Variants in PCDHGA6 observed in about 807,000 individuals in gnomAD.
PCDHGA6 encodes protocadherin gamma subfamily A, 6, also known as protocadherin gamma-A6.
PCDHGA6 carries 41 observed loss-of-function variants against 60.6 expected under a neutral mutation model. The observed-to-expected ratio is 0.68, with a 90% CI of 0.53 to 0.88. The LOEUF (loss-of-function observed/expected upper bound fraction) is 0.88, where lower values mean the gene tolerates loss of function less well. Ranked by LOEUF, PCDHGA6 falls within the 40% of genes least tolerant of loss-of-function variation. The pLI, the probability that PCDHGA6 is intolerant of heterozygous loss-of-function variation, is 0.00. For missense variants in PCDHGA6, 1,312 were observed against 1,203.0 expected, an observed-to-expected ratio of 1.09 and a Z score of -1.34; for synonymous variants, 594 against 524.4, an observed-to-expected ratio of 1.13 and a Z score of -1.81.
Position 141,463,438 on chromosome 5 carries a change from CTTTTTTTTT to C in PCDHGA6, c.2425-31349_2425-31341del, listed in dbSNP as rs71576115. 5.5e-3 allele frequency among the ~76,000 whole-genome samples: 572 copies of C among 103,208 alleles called. 4 individuals carry two copies. The highest frequency in any genetic ancestry group is 8.7e-3 in the Non-Finnish European group (462 of 53,292). The allele number at this position is 103,208 out of a possible 152,430, so 67.7% of individuals were successfully genotyped here. On this transcript the variant is annotated intron_variant, in intron 1 of 3. Transcript: ENST00000517434. ...GTTTGCGGATCCTCATTTCCTTCTC[CTTTTTTTTT>C]TTTTTTTTTTTTTTTTTTTGAGATG...
At position 141,512,903 on chromosome 5, in the gene PCDHGA6, CAA is replaced by C. The variant is rs2099884494; in HGVS notation, c.*1731_*1732del. The C allele has an allele frequency of 6.6e-6, 1 of 152,224 alleles. No individual in the cohort carries two copies. Among genetic ancestry groups the C allele is most frequent in the African/African-American group, 2.4e-5 (1 of 41,452 alleles). 9.4% of individuals were successfully genotyped at this position (152,224 alleles called of 1,614,324 possible). On this transcript the variant is annotated 3_prime_UTR_variant, in exon 4 of 4. Transcript: ENST00000517434. ...CCCCACCCTCTTCCTGTGTCTCACG[CAA>C]GTTTTATACTCTAATATTTATATGG...
rs2099681350 is a variant in PCDHGA6, at chr5:141,489,024, C to T, written c.2425-5783C>T. 1 of 450,378 alleles carries T rather than the reference C, an allele frequency of 2.2e-6. No individual in the cohort carries two copies. The highest frequency in any genetic ancestry group is 3.9e-6 in the Non-Finnish European group (1 of 256,582). 27.9% of individuals were successfully genotyped at this position (450,378 alleles called of 1,614,324 possible). On this transcript the variant is annotated intron_variant, in intron 1 of 3. Coordinates refer to ENST00000517434, the MANE Select transcript of PCDHGA6 (RefSeq NM_018919.3). The surrounding 1 kb of genome is among the most constrained non-coding windows in gnomAD (Gnocchi z 4.5). ...CTGCTCTTCCAGCCCGCCTCTCCTC[C>T]TCCAGCTCCCCAGCTCCACTCAAAT... is the stretch of plus-strand genomic sequence containing the variant.
At chr5:141,419,757 G>A (rs1468216226) in intron 1 of PCDHGA6, 5 of 1,613,876 alleles carry the variant, frequency 3.1e-6, no homozygotes, top group African/African-American at 1.3e-5. Flanking sequence ...CGTGCTTTGG[G>A]TGACAAGGAC....
rs35821115 is a variant in PCDHGA6, at chr5:141,460,961, ATGTG to A, written c.2425-33826_2425-33823del. 3.6e-3 allele frequency among the ~76,000 whole-genome samples: 519 copies of A among 144,600 alleles called. 3 individuals carry two copies. The highest frequency in any genetic ancestry group is 4.3e-3 in the African/African-American group (168 of 38,712). The allele number at this position is 144,600 out of a possible 152,430, so 94.9% of individuals were successfully genotyped here. A position where few individuals can be genotyped will look rare whatever the true frequency, so the allele number is the denominator to read the frequency against. ...ATATATATGTATTATGTATATATAT[ATGTG>A]TGTGTGTGTGTGTGTGTGTATATAT... On this transcript the variant is annotated intron_variant, in intron 1 of 3. Transcript: ENST00000517434.
In PCDHGA6 at chr5:141,375,347, G is replaced by C; in HGVS notation, c.1264G>C (p.Val422Leu). 2 of 1,613,852 alleles carry C rather than the reference G, an allele frequency of 1.2e-6. No individual in the cohort carries two copies. The highest frequency in any genetic ancestry group is 1.7e-6 in the Non-Finnish European group (2 of 1,179,918). ...REEVFLYNIT[V>L]TATDKGTPPL... ...AGAGGTATTCTTGTACAACATCACT[G>C]TGACAGCCACGGACAAAGGAACACC... The change falls in exon 1 of 4, where the codon GTG becomes CTG. Residue 422 changes from valine to leucine, a missense_variant. Coordinates refer to ENST00000517434, the MANE Select transcript of PCDHGA6 (RefSeq NM_018919.3).
In PCDHGA6 at chr5:141,485,308, A is replaced by G; in HGVS notation, c.2425-9499A>G. On this transcript the variant is annotated intron_variant, in intron 1 of 3. Coordinates refer to ENST00000517434, the MANE Select transcript of PCDHGA6 (RefSeq NM_018919.3). The surrounding 1 kb of genome is among the most constrained non-coding windows in gnomAD (Gnocchi z 5.7). ...AGGAGTCACAGGAAGGGACTTTTGTAGGGAATGTCGCTCAAGATTTCCTGC... is the reference window on the plus strand; with the variant it reads ...AGGAGTCACAGGAAGGGACTTTTGTGGGGAATGTCGCTCAAGATTTCCTGC... 6.2e-7 allele frequency: 1 copy of G among 1,614,112 alleles called. No individual in the cohort carries two copies. The highest frequency in any genetic ancestry group is 8.5e-7 in the Non-Finnish European group (1 of 1,179,996).
chr5:141,419,361 T>C, intron 1 of PCDHGA6: 1 of 1,613,794 alleles, frequency 6.2e-7, no homozygotes, highest in Non-Finnish European at 8.5e-7. Context: ...TCACGAACGC[T>C]GTCGTCCTAC....
chr5:141,447,942 T>C (rs1476141059), intron 1 of PCDHGA6, among the ~76,000 whole-genome samples: 2 of 151,740 alleles, frequency 1.3e-5, no homozygotes, highest in African/African-American at 4.8e-5. Context: ...AAAAATTAGC[T>C]GGGCATGGTG....
Position 141,489,065 on chromosome 5 carries a change from C to T in PCDHGA6, c.2425-5742C>T, listed in dbSNP as rs558074504. On this transcript the variant is annotated intron_variant, in intron 1 of 3. Coordinates refer to ENST00000517434, the MANE Select transcript of PCDHGA6 (RefSeq NM_018919.3). This position sits in a 1 kb window ranked among gnomAD's most constrained non-coding sequence, Gnocchi z 4.5. ...CCACTCAAATTCAGCTCCCCTCCCC[C>T]CTGCCCACCCCCGCCACTCGGTGAC... 3.3e-5 allele frequency: 13 copies of T among 388,932 alleles called. 1 individual carries two copies. Among genetic ancestry groups the T allele is most frequent in the African/African-American group, 8.5e-5 (4 of 47,158 alleles). 24.1% of individuals were successfully genotyped at this position (388,932 alleles called of 1,614,324 possible).
Position 141,511,617 on chromosome 5 carries a change from C to T in PCDHGA6, c.*444C>T, listed in dbSNP as rs1562253545. The T allele has an allele frequency of 4.3e-6, 1 of 233,232 alleles. No homozygotes were observed. Among genetic ancestry groups the T allele is most frequent in the African/African-American group, 2.2e-5 (1 of 45,220 alleles). The allele number at this position is 233,232 out of a possible 1,614,324, so 14.4% of individuals were successfully genotyped here. A position where few individuals can be genotyped will look rare whatever the true frequency, so the allele number is the denominator to read the frequency against. Reference sequence around the variant, plus strand: ...CAAGTAACCTACAAGCCTCCTAGTTCTGAAAAGTTGGAAGGGCATCATGAC... The same window carrying T: ...CAAGTAACCTACAAGCCTCCTAGTTTTGAAAAGTTGGAAGGGCATCATGAC... On this transcript the variant is annotated 3_prime_UTR_variant, in exon 4 of 4. Coordinates refer to ENST00000517434, the MANE Select transcript of PCDHGA6 (RefSeq NM_018919.3).
intron 1 of PCDHGA6, chr5:141,395,397 A>C: frequency 1.1e-6 from 1 of 895,314 alleles, no homozygotes; most frequent in Non-Finnish European, 1.6e-6. Flanking sequence ...TTGAACTCTA[A>C]TAGTCATAGG....
chr5:141,399,162 C>T (rs1174255078), intron 1 of PCDHGA6: 1 of 1,613,664 alleles, frequency 6.2e-7, no homozygotes, highest in South Asian at 1.1e-5. Context: ...AAGTTACATT[C>T]CATTCTCTAC....
chr5:141,504,848 C>G (rs181277525), intron 2 of PCDHGA6, among the ~76,000 whole-genome samples: 1 of 152,236 alleles, frequency 6.6e-6, no homozygotes, highest in Non-Finnish European at 1.5e-5. Context: ...CTGGAACATT[C>G]TCTTCCATTT....
rs1018384314 is a variant in PCDHGA6 at position 141,490,427 on chromosome 5, A to G, written c.2425-4380A>G. On this transcript the variant is annotated intron_variant, in intron 1 of 3. Coordinates refer to ENST00000517434, the MANE Select transcript of PCDHGA6 (RefSeq NM_018919.3). This position sits in a 1 kb window ranked among gnomAD's most constrained non-coding sequence, Gnocchi z 5.4. ...GATATCTCTCCGGACCTGCCATTTCAGATTAAGCCTTCTGAGAACCACTAC... is the reference window on the plus strand; with the variant it reads ...GATATCTCTCCGGACCTGCCATTTCGGATTAAGCCTTCTGAGAACCACTAC... 6.2e-7 allele frequency: 1 copy of G among 1,614,092 alleles called. No individual in the cohort carries two copies.
chr5:141,381,122 C>G (rs1328848955), intron 1 of PCDHGA6, among the ~76,000 whole-genome samples: 2 of 152,200 alleles, frequency 1.3e-5, no homozygotes, highest in Admixed American at 1.3e-4. Context: ...TCCCTGTATT[C>G]TGGAGCAATG....
At chr5:141,422,374 G>A (rs1268014814) in intron 1 of PCDHGA6, 1 of 1,570,452 alleles carries the variant, frequency 6.4e-7, no homozygotes, top group Non-Finnish European at 8.6e-7. Flanking sequence ...AAATGGTCAA[G>A]TCTCCTGTTT....
At chr5:141,414,338 G>C in intron 1 of PCDHGA6, 1 of 1,613,832 alleles carries the variant, frequency 6.2e-7, no homozygotes, top group Non-Finnish European at 8.5e-7. Context: ...CAGGTAACCT[G>C]TTCCATTTTG....
intron 2 of PCDHGA6, among the ~76,000 whole-genome samples, chr5:141,500,904 C>T (rs2099803610): frequency 6.6e-6 from 1 of 151,662 alleles, no homozygotes; most frequent in Non-Finnish European, 1.5e-5. Context: ...CAGTCTCGCT[C>T]TGTCTCCAGG....
intron 1 of PCDHGA6, among the ~76,000 whole-genome samples, chr5:141,436,809 A>T (rs2097847373): frequency 6.6e-6 from 1 of 152,242 alleles, no homozygotes; most frequent in Non-Finnish European, 1.5e-5. Context: ...TTTTTGTGAC[A>T]GCTGGTTTAA....
Sources: allele counts gnomAD v4.1 joint callset (sites outside exome capture counted in the v4.1 genomes callset), GRCh38; gene constraint gnomAD v4.1.1; non-coding constraint Gnocchi (gnomAD v3.1); transcripts MANE v1.5; gene names NCBI Gene and HGNC (gene_info 2026-07-23, HGNC 2026-07-21).